PMS1: variants seen among roughly 807,000 people sequenced by gnomAD.
The protein encoded by PMS1 is PMS1 homolog 1, mismatch repair system component, also known as PMS1 protein homolog 1.
A neutral mutation model predicts 93.1 loss-of-function variants in PMS1; 79 were observed. The ratio of observed to expected loss-of-function variants is 0.85; its 90% confidence interval spans 0.71 to 1.02. PMS1 has a LOEUF of 1.02. PMS1 is among the 50% of genes least tolerant of loss of function. The pLI, the probability that PMS1 is intolerant of heterozygous loss-of-function variation, is 0.00. For missense variants in PMS1, 1,064 were observed against 1,085.3 expected (o/e 0.98, Z 0.28); for synonymous variants, 335 against 363.4 (o/e 0.92, Z 0.89).
At chr2:189,817,765 C>T (rs370841587) in intron 4 of PMS1, among the ~76,000 whole-genome samples, 2 of 152,120 alleles carry the variant, frequency 1.3e-5, no homozygotes, top group South Asian at 2.1e-4. Flanking sequence ...CATGTTTCTA[C>T]GCAGTGATAG....
At position 189,867,876 on chromosome 2, in the gene PMS1, AC is replaced by A; in HGVS notation, c.2422del (p.Leu808CysfsTer13). The A allele has an allele frequency of 6.3e-7, 1 of 1,597,104 alleles. No individual in the cohort carries two copies. The highest frequency in any genetic ancestry group is 1.3e-5 in the African/African-American group (1 of 74,734). ...ADDQRYSGSTYLSDPRLTANG... is the reference protein window; with the variant it reads ...ADDQRYSGSTXLSDPRLTANG... The stretch of plus-strand genomic sequence containing the variant: ...GACCAAAGATACAGTGGATCAACTT[AC>A]CTGTCTGATCCTCGTCTTACAGCGA... On this transcript the variant is annotated frameshift_variant, in exon 11 of 13. Transcript: ENST00000441310. LOFTEE classifies it high-confidence loss of function.
At chr2:189,860,521 G>A (rs1305179871) in intron 9 of PMS1, among the ~76,000 whole-genome samples, 3 of 152,142 alleles carry the variant, frequency 2.0e-5, no homozygotes, top group Middle Eastern at 3.4e-3. Flanking sequence ...GGGCTATTAT[G>A]AGTAAAATTG....
At chr2:189,849,753 C>T (rs1230829850) in intron 6 of PMS1, among the ~76,000 whole-genome samples, 1 of 152,090 alleles carries the variant, frequency 6.6e-6, no homozygotes, top group African/African-American at 2.4e-5. Flanking sequence ...CAAGCTTTTA[C>T]AGGCCCCTTT....
chr2:189,862,296 T>C (rs916212712), intron 9 of PMS1, among the ~76,000 whole-genome samples: 15 of 152,216 alleles, frequency 9.9e-5, no homozygotes, highest in Non-Finnish European at 1.9e-4. Flanking sequence ...ATTTCTGATA[T>C]TGTATTTTTT....
At chr2:189,801,226 G>A (rs1482451157) in intron 3 of PMS1, among the ~76,000 whole-genome samples, 1 of 152,148 alleles carries the variant, frequency 6.6e-6, no homozygotes, top group Non-Finnish European at 1.5e-5. Flanking sequence ...TTCATGATCT[G>A]TGATGAGTAT....
chr2:189,867,833 TATAAA>T lies in PMS1; in HGVS notation c.2380_2384del (p.Lys794AspfsTer4). 2 of 1,579,290 alleles carry T rather than the reference TATAAA, an allele frequency of 1.3e-6. No individual in the cohort carries two copies. Among genetic ancestry groups the T allele is most frequent in the Non-Finnish European group, 1.7e-6 (2 of 1,148,414 alleles). On this transcript the variant is annotated frameshift_variant, in exon 11 of 13. Coordinates refer to ENST00000441310, the MANE Select transcript of PMS1 (RefSeq NM_000534.5). LOFTEE classifies it high-confidence loss of function. ...TGGATCTCATTATTTAGACGTTTTA[TATAAA>T]ATGACAGCAGATGACCAAAGATACA...
At position 189,795,811 on chromosome 2, in the gene PMS1, G is replaced by T; in HGVS notation, c.175G>T (p.Glu59Ter). ...TAAAATTGAGGTGCGAGATAACGGGGAGGGTATCAAGGCTGTTGATGCACC... is the reference window on the plus strand; with the variant it reads ...TAAAATTGAGGTGCGAGATAACGGGTAGGGTATCAAGGCTGTTGATGCACC... The part of the protein sequence containing the change: ...FDKIEVRDNG[E>*]GIKAVDAPVM... The change falls in exon 3 of 13, where the codon GAG becomes TAG. Residue 59 changes from glutamate (E) to a stop codon, truncating the protein, a stop_gained. Transcript: ENST00000441310. LOFTEE classifies it high-confidence loss of function. 1 of 1,613,906 alleles carries T rather than the reference G, an allele frequency of 6.2e-7. No homozygotes were observed. Among genetic ancestry groups the T allele is most frequent in the Non-Finnish European group, 8.5e-7 (1 of 1,179,796 alleles).
rs779867285 is a variant in PMS1 at position 189,854,469 on chromosome 2, TG to T, written c.1199del (p.Gly400GlufsTer8). On this transcript the variant is annotated frameshift_variant, in exon 9 of 13. Transcript: ENST00000441310. LOFTEE classifies it high-confidence loss of function. ...FQNDMHNDESGKNTDDCLNHQ... is the reference protein window; with the variant it reads ...FQNDMHNDESXKNTDDCLNHQ... ...AAAATGATATGCATAATGATGAATCTGGAAAAAACACTGATGATTGTTTAAA... is the reference window on the plus strand; with the variant it reads ...AAAATGATATGCATAATGATGAATCTGAAAAAACACTGATGATTGTTTAAA... The T allele has an allele frequency of 6.2e-7, 1 of 1,613,460 alleles. No individual in the cohort carries two copies. The highest frequency in any genetic ancestry group is 8.5e-7 in the Non-Finnish European group (1 of 1,179,554).
rs759075028 is a variant in PMS1, at chr2:189,844,091, A to G, written c.699+11A>G. On this transcript the variant is annotated intron_variant, in intron 6 of 12. Transcript: ENST00000441310. ...TCTGAAGAATCTCAGGTATACTGCAAAAACATTCTCAGATAATTCTGATTT... is the reference window on the plus strand; with the variant it reads ...TCTGAAGAATCTCAGGTATACTGCAGAAACATTCTCAGATAATTCTGATTT... 2.5e-6 allele frequency: 4 copies of G among 1,613,252 alleles called. No homozygotes were observed. Among genetic ancestry groups the G allele is most frequent in the Admixed American group, 3.3e-5 (2 of 60,022 alleles).
chr2:189,872,762 A>G (rs2057262151), intron 11 of PMS1, among the ~76,000 whole-genome samples: 1 of 152,006 alleles, frequency 6.6e-6, no homozygotes, highest in Admixed American at 6.6e-5. Context: ...CTTCCCTAGT[A>G]GCTGGGACTA....
intron 4 of PMS1, among the ~76,000 whole-genome samples, chr2:189,808,842 T>A (rs1048043765): frequency 1.3e-5 from 2 of 152,206 alleles, no homozygotes; most frequent in African/African-American, 4.8e-5. Flanking sequence ...TACATCTCTA[T>A]CTTTTAAATT....
At chr2:189,786,268 A>C (rs1338856062) in intron 1 of PMS1, among the ~76,000 whole-genome samples, 2 of 152,196 alleles carry the variant, frequency 1.3e-5, no homozygotes, top group African/African-American at 4.8e-5. Flanking sequence ...AACCTTTATA[A>C]AAATTTTAAG....
intron 4 of PMS1, among the ~76,000 whole-genome samples, chr2:189,814,577 C>A (rs2051115252): frequency 6.6e-6 from 1 of 152,006 alleles, no homozygotes; most frequent in South Asian, 2.1e-4. Context: ...TTTAAGTATT[C>A]ATTTAAGACT....
chr2:189,858,295 T>C (rs1388868485), intron 9 of PMS1, among the ~76,000 whole-genome samples: 1 of 152,184 alleles, frequency 6.6e-6, no homozygotes, highest in Non-Finnish European at 1.5e-5. Flanking sequence ...CTTGAACTTT[T>C]CATTTGCAGT....
chr2:189,792,795 T>A (rs570805017), intron 2 of PMS1, among the ~76,000 whole-genome samples: 23 of 149,666 alleles, frequency 1.5e-4, no homozygotes, highest in East Asian at 9.7e-4. Flanking sequence ...CCATTTTATT[T>A]TTTATTTATT....
intron 1 of PMS1, among the ~76,000 whole-genome samples, chr2:189,787,136 G>T (rs912655411): frequency 6.6e-6 from 1 of 152,176 alleles, no homozygotes; most frequent in African/African-American, 2.4e-5. Flanking sequence ...TCATCTAAAT[G>T]ATGATATTTA....
intron 5 of PMS1, among the ~76,000 whole-genome samples, chr2:189,821,253 G>A (rs560769197): frequency 6.6e-6 from 1 of 150,994 alleles, no homozygotes; most frequent in South Asian, 2.1e-4. Flanking sequence ...TCAGGAGATC[G>A]AGACTATCCT....
intron 5 of PMS1, among the ~76,000 whole-genome samples, chr2:189,819,527 A>G (rs1474014209): frequency 6.6e-6 from 1 of 152,190 alleles, no homozygotes; most frequent in Non-Finnish European, 1.5e-5. Flanking sequence ...TTTTCTCTGC[A>G]TCCTCACCAA....
intron 1 of PMS1, among the ~76,000 whole-genome samples, chr2:189,784,934 T>G (rs72547269): frequency 2.2e-4 from 33 of 152,360 alleles, no homozygotes; most frequent in Middle Eastern, 3.4e-3. Flanking sequence ...TCCTGTGGCA[T>G]CATACAAGGG....
Sources: allele counts gnomAD v4.1 joint callset (sites outside exome capture counted in the v4.1 genomes callset), GRCh38; gene constraint gnomAD v4.1.1; transcripts MANE v1.5; gene names NCBI Gene and HGNC (gene_info 2026-07-23, HGNC 2026-07-21).